Variants in FSTL4 observed in about 807,000 individuals in gnomAD.
FSTL4 encodes follistatin-related protein 4.
In FSTL4, 28 loss-of-function variants were observed where a neutral mutation model predicts 78.2. The observed-to-expected ratio is 0.36, with a 90% CI of 0.27 to 0.49. FSTL4 has a LOEUF of 0.49. FSTL4 is among the 20% of genes least tolerant of loss of function. The pLI is 0.98. For missense variants in FSTL4, 922 were observed against 1,084.9 expected, an observed-to-expected ratio of 0.85 and a Z score of 2.11; for synonymous variants, 422 against 440.5, an observed-to-expected ratio of 0.96 and a Z score of 0.53.
intron 6 of FSTL4, among the ~76,000 whole-genome samples, chr5:133,300,391 G>A (rs1241905086): frequency 2.0e-5 from 3 of 152,094 alleles, no homozygotes; most frequent in East Asian, 1.9e-4. Flanking sequence ...TTTAGGCCCC[G>A]TTCCCCACCC....
At chr5:133,420,116 C>T (rs1756661936) in intron 3 of FSTL4, among the ~76,000 whole-genome samples, 1 of 152,166 alleles carries the variant, frequency 6.6e-6, no homozygotes, top group African/African-American at 2.4e-5. Context: ...ATGGATAAAA[C>T]TCAGTGTTAT....
At chr5:133,795,745 CA>C in the FSTL4 span, among the ~76,000 whole-genome samples, 1 of 152,212 alleles carries the variant, frequency 6.6e-6, no homozygotes, top group Admixed American at 6.5e-5. Flanking sequence ...GAGAAAGACA[CA>C]AGTGCTCACA....
intron 3 of FSTL4, among the ~76,000 whole-genome samples, chr5:133,462,759 AGCCG>A (rs1471928023): frequency 1.3e-5 from 2 of 152,194 alleles, no homozygotes; most frequent in Non-Finnish European, 1.5e-5. Flanking sequence ...AGTGGAAGGA[AGCCG>A]GCGCTTGATA....
chr5:133,574,399 G>A (rs1411704793), intron 2 of FSTL4, among the ~76,000 whole-genome samples: 1 of 152,232 alleles, frequency 6.6e-6, no homozygotes, highest in East Asian at 1.9e-4. Context: ...CTGAGTCCCA[G>A]TATGGAGAGG....
intron 4 of FSTL4, among the ~76,000 whole-genome samples, chr5:133,390,572 A>G (rs1373517385): frequency 2.0e-5 from 3 of 152,230 alleles, no homozygotes; most frequent in African/African-American, 7.2e-5. Context: ...GCTGGGCCCC[A>G]GCTTTCTGTA....
chr5:133,711,088 A>G, the FSTL4 span, among the ~76,000 whole-genome samples: 1 of 152,124 alleles, frequency 6.6e-6, no homozygotes, highest in Non-Finnish European at 1.5e-5. Context: ...TCAGTCAGAG[A>G]ATTTAAGTAC....
chr5:133,712,391 A>G, the FSTL4 span, among the ~76,000 whole-genome samples: 53 of 152,228 alleles, frequency 3.5e-4, no homozygotes, highest in African/African-American at 1.3e-3. Flanking sequence ...ATCTGGTGGG[A>G]ATGGTGCCCC....
chr5:133,700,063 A>C, the FSTL4 span, among the ~76,000 whole-genome samples: 3 of 152,244 alleles, frequency 2.0e-5, no homozygotes, highest in Non-Finnish European at 4.4e-5. Context: ...CAGGATCAAC[A>C]GCCAGGTGGG....
At chr5:133,628,772 G>T in the FSTL4 span, among the ~76,000 whole-genome samples, 438 of 152,162 alleles carry the variant, frequency 2.9e-3, 3 homozygotes, top group African/African-American at 0.01. Flanking sequence ...AATGAATAAA[G>T]AAATGAATAA....
chr5:133,556,141 A>G (rs1007771045), intron 3 of FSTL4, among the ~76,000 whole-genome samples: 1 of 152,224 alleles, frequency 6.6e-6, no homozygotes, highest in South Asian at 2.1e-4. Context: ...TATTTCAATC[A>G]GAATTACACA....
chr5:133,612,092 T>C lies in FSTL4; in HGVS notation c.-11+233A>G, dbSNP rs1761110538. On this transcript the variant is annotated intron_variant, in intron 1 of 15. Transcript: ENST00000265342. This position sits in a 1 kb window ranked among gnomAD's most constrained non-coding sequence, Gnocchi z 6.2. ...GGCGTCCCAGCCTCTCCTCGAGTCC[T>C]GGCCTTGGCCGGGGTAGCCCTGCCG... 1.3e-5 allele frequency among the ~76,000 whole-genome samples: 2 copies of C among 151,910 alleles called. No individual in the cohort carries two copies. Among genetic ancestry groups the C allele is most frequent in the Non-Finnish European group, 2.9e-5 (2 of 67,930 alleles).
the FSTL4 span, among the ~76,000 whole-genome samples, chr5:133,777,231 A>AC: frequency 0.88 from 133,307 of 152,096 alleles, 58,551 homozygotes; most frequent in African/African-American, 0.93. Flanking sequence ...ATATATATAC[A>AC]ATAGAGAGTT....
At chr5:133,734,714 A>C in the FSTL4 span, among the ~76,000 whole-genome samples, 1 of 152,260 alleles carries the variant, frequency 6.6e-6, no homozygotes, top group African/African-American at 2.4e-5. Context: ...CAATTTGTAT[A>C]CATGTCTCAT....
chr5:133,372,571 T>C (rs1755336511), intron 4 of FSTL4, among the ~76,000 whole-genome samples: 4 of 152,074 alleles, frequency 2.6e-5, no homozygotes. Flanking sequence ...AAAAAGCCAA[T>C]GAGGACAACC....
the FSTL4 span, among the ~76,000 whole-genome samples, chr5:133,814,251 A>G: frequency 6.6e-6 from 1 of 152,144 alleles, no homozygotes; most frequent in African/African-American, 2.4e-5. Context: ...GGGGAGGAGA[A>G]AGGGAGGAAC....
intron 3 of FSTL4, among the ~76,000 whole-genome samples, chr5:133,527,950 C>A (rs888097702): frequency 7.9e-5 from 12 of 152,170 alleles, no homozygotes; most frequent in African/African-American, 2.9e-4. Context: ...AGACACAAAT[C>A]TTATTAATTT....
chr5:133,593,840 G>A (rs1388216976), intron 2 of FSTL4, among the ~76,000 whole-genome samples: 5 of 152,036 alleles, frequency 3.3e-5, no homozygotes, highest in African/African-American at 7.2e-5. Flanking sequence ...ACTAATGTAG[G>A]TGATTCCTTC....
At position 133,508,371 on chromosome 5, in the gene FSTL4, A is replaced by G. The variant is rs17166732; in HGVS notation, c.160+58815T>C. On this transcript the variant is annotated intron_variant, in intron 3 of 15. Coordinates refer to ENST00000265342, the MANE Select transcript of FSTL4 (RefSeq NM_015082.2). ...GTCAAATGCTTGGCTTTCTATCTTGAAGGTCTGAGCTACCTTTGGGAGGGT... is the reference window on the plus strand; with the variant it reads ...GTCAAATGCTTGGCTTTCTATCTTGGAGGTCTGAGCTACCTTTGGGAGGGT... Among the ~76,000 whole-genome samples the G allele has an allele frequency of 2.8e-3, 420 of 152,254 alleles. 4 individuals are homozygous for G. Among genetic ancestry groups the G allele is most frequent in the African/African-American group, 9.7e-3 (402 of 41,548 alleles).
At chr5:133,255,687 T>G (rs751399142) in intron 6 of FSTL4, among the ~76,000 whole-genome samples, 1 of 152,218 alleles carries the variant, frequency 6.6e-6, no homozygotes, top group Non-Finnish European at 1.5e-5. Flanking sequence ...AGACATGAGA[T>G]GCCACAAACA....
Sources: gnomAD v4.1 joint callset for allele counts (sites outside exome capture counted in the v4.1 genomes callset) on GRCh38, gnomAD v4.1.1 for gene constraint, Gnocchi (gnomAD v3.1) non-coding constraint, MANE v1.5 for transcripts, NCBI Gene and HGNC (gene_info 2026-07-23, HGNC 2026-07-21) for gene names.